The following SATB2 variants were observed in gnomAD, a reference collection of about 807,000 sequenced individuals.
SATB2 encodes DNA-binding protein SATB2.
SATB2 carries 1 observed loss-of-function variant against 73.4 expected under a neutral mutation model. The observed-to-expected ratio is 0.01, with a 90% CI of 0.00 to 0.06. SATB2 has a LOEUF of 0.06. SATB2 is among the 10% of genes least tolerant of loss of function. SATB2 has a pLI of 1.00. For synonymous variants in SATB2, 397 were observed against 367.0 expected, an observed-to-expected ratio of 1.08 and a Z score of -0.93; for missense variants, 459 against 945.8, an observed-to-expected ratio of 0.49 and a Z score of 6.75.
intron 3 of SATB2, among the ~76,000 whole-genome samples, chr2:199,391,151 T>C (rs1475850236): frequency 1.3e-5 from 2 of 152,084 alleles, no homozygotes; most frequent in African/African-American, 4.8e-5. Context: ...TTTGTTCCCT[T>C]TAGAATATTT....
intron 2 of SATB2, among the ~76,000 whole-genome samples, chr2:199,444,708 C>T (rs919324923): frequency 2.6e-5 from 4 of 152,062 alleles, no homozygotes; most frequent in Non-Finnish European, 2.9e-5. Context: ...TAATAGTATA[C>T]GTTTAAAGTT....
chr2:199,285,125 G>A (rs1692647488), intron 10 of SATB2, among the ~76,000 whole-genome samples: 1 of 151,940 alleles, frequency 6.6e-6, no homozygotes, highest in African/African-American at 2.4e-5. Context: ...TTCTAATATG[G>A]TAATATTCAT....
intron 3 of SATB2, among the ~76,000 whole-genome samples, chr2:199,420,170 T>C (rs1001239552): frequency 3.3e-5 from 5 of 152,174 alleles, no homozygotes; most frequent in Admixed American, 1.3e-4. Flanking sequence ...ACTTAGCCCA[T>C]CTGTGCCTCA....
rs759653736 is a variant in SATB2 at position 199,456,052 on chromosome 2, G to A, written c.-15C>T. The stretch of plus-strand genomic sequence containing the variant: ...CGCCGCTCCATGCTGCTCCGACTCG[G>A]AGACAAAGTTCCCACCGGCAGGTCG... On this transcript the variant is annotated 5_prime_UTR_variant, in exon 2 of 11. Transcript: ENST00000417098. The A allele has an allele frequency of 1.3e-5, 17 of 1,324,660 alleles. No individual in the cohort carries two copies. The highest frequency in any genetic ancestry group is 1.2e-5 in the Non-Finnish European group (12 of 1,011,540). 82.1% of individuals were successfully genotyped at this position (1,324,660 alleles called of 1,614,324 possible).
intron 3 of SATB2, among the ~76,000 whole-genome samples, chr2:199,420,443 C>T (rs1021186246): frequency 5.3e-5 from 8 of 152,100 alleles, no homozygotes; most frequent in Non-Finnish European, 1.2e-4. Context: ...CTGGTGGGTG[C>T]TTGTTTGGAT....
At chr2:199,349,846 G>C (rs62178572) in intron 6 of SATB2, among the ~76,000 whole-genome samples, 8,460 of 152,144 alleles carry the variant, frequency 0.056, 276 homozygotes, top group Middle Eastern at 0.13. Context: ...CAGGTTATCT[G>C]CTTTATTACA....
At position 199,271,965 on chromosome 2, in the gene SATB2, C is replaced by G. The variant is rs1460829650; in HGVS notation, c.*246G>C. 2 of 553,854 alleles carry G rather than the reference C, an allele frequency of 3.6e-6. No individual in the cohort carries two copies. The highest frequency in any genetic ancestry group is 3.8e-5 in the African/African-American group (2 of 52,774). 34.3% of individuals were successfully genotyped at this position (553,854 alleles called of 1,614,324 possible). A position where few individuals can be genotyped will look rare whatever the true frequency, so the allele number is the denominator to read the frequency against. On this transcript the variant is annotated 3_prime_UTR_variant, in exon 11 of 11. Transcript: ENST00000417098. Reference sequence around the variant, plus strand: ...CATAGAGACGGGATAAAGTGTAACGCTTTAGTGTCTTTGCCAAGGCGATGT... The same window carrying G: ...CATAGAGACGGGATAAAGTGTAACGGTTTAGTGTCTTTGCCAAGGCGATGT...
chr2:199,414,001 T>G (rs1690899535), intron 3 of SATB2, among the ~76,000 whole-genome samples: 1 of 152,208 alleles, frequency 6.6e-6, no homozygotes. Flanking sequence ...GACTGACATA[T>G]TCCTAACATG....
intron 2 of SATB2, among the ~76,000 whole-genome samples, chr2:199,446,751 T>A (rs1559060255): frequency 2.0e-5 from 3 of 152,182 alleles, no homozygotes; most frequent in East Asian, 3.9e-4. Context: ...ATAACTTTTT[T>A]AAAAAAGCTT....
At chr2:199,445,561 G>A (rs1041108361) in intron 2 of SATB2, among the ~76,000 whole-genome samples, 19 of 152,200 alleles carry the variant, frequency 1.2e-4, no homozygotes, top group African/African-American at 3.9e-4. Flanking sequence ...CTGTAAAAAC[G>A]TGCTTAAGGC....
intron 9 of SATB2, among the ~76,000 whole-genome samples, chr2:199,311,721 G>A (rs1358219254): frequency 6.6e-6 from 1 of 152,106 alleles, no homozygotes; most frequent in African/African-American, 2.4e-5. Context: ...TGGCTCGCTT[G>A]CTCATTCCAT....
At chr2:199,273,853 G>A (rs900260320) in intron 10 of SATB2, among the ~76,000 whole-genome samples, 5 of 151,908 alleles carry the variant, frequency 3.3e-5, no homozygotes, top group African/African-American at 1.2e-4. Context: ...AAGGAACTCA[G>A]TCCCGGCTCT....
chr2:199,417,250 A>G (rs985937263), intron 3 of SATB2, among the ~76,000 whole-genome samples: 1 of 152,028 alleles, frequency 6.6e-6, no homozygotes, highest in African/African-American at 2.4e-5. Flanking sequence ...ATGCTCTAGG[A>G]GAGAGGATAA....
intron 2 of SATB2, among the ~76,000 whole-genome samples, chr2:199,454,644 T>C (rs1332627928): frequency 6.6e-6 from 1 of 152,168 alleles, no homozygotes; most frequent in African/African-American, 2.4e-5. Flanking sequence ...TGAATACTTC[T>C]CAAGTGAGAC....
chr2:199,288,974 T>C (rs1032821610), intron 10 of SATB2, among the ~76,000 whole-genome samples: 1 of 152,182 alleles, frequency 6.6e-6, no homozygotes, highest in African/African-American at 2.4e-5. Context: ...TTATCAGACA[T>C]AGCCTTTAGT....
intron 7 of SATB2, among the ~76,000 whole-genome samples, chr2:199,345,713 C>T (rs1331973241): frequency 6.6e-6 from 1 of 152,062 alleles, no homozygotes; most frequent in Non-Finnish European, 1.5e-5. Flanking sequence ...AGTTCAAAAC[C>T]TCTGTACATT....
intron 8 of SATB2, among the ~76,000 whole-genome samples, chr2:199,325,664 C>T (rs1460212387): frequency 6.6e-6 from 1 of 152,172 alleles, no homozygotes; most frequent in Non-Finnish European, 1.5e-5. Flanking sequence ...CTGACTATCT[C>T]ATCCTACCTG....
At chr2:199,392,743 G>C (rs1559026350) in intron 3 of SATB2, among the ~76,000 whole-genome samples, 2 of 152,106 alleles carry the variant, frequency 1.3e-5, no homozygotes, top group Non-Finnish European at 2.9e-5. Context: ...GGAGTTAAAA[G>C]CTAAAACAAG....
intron 3 of SATB2, 79 bp from the exon 4 acceptor site, chr2:199,381,899 G>C (rs1689790654): frequency 6.6e-7 from 1 of 1,517,378 alleles, no homozygotes; most frequent in Non-Finnish European, 9.0e-7. Flanking sequence ...ATGTTAAGAA[G>C]GTCATTCAAT....
Sources: allele counts gnomAD v4.1 joint callset (sites outside exome capture counted in the v4.1 genomes callset), GRCh38; gene constraint gnomAD v4.1.1; transcripts MANE v1.5; gene names NCBI Gene and HGNC (gene_info 2026-07-23, HGNC 2026-07-21).